The following MUC5B variants were observed in gnomAD, a reference collection of about 807,000 sequenced individuals.
MUC5B encodes the protein mucin-5B.
Under a neutral mutation model 376.9 loss-of-function variants are expected in MUC5B, and 116 were observed. That is an observed-to-expected ratio of 0.31 (90% CI 0.26 to 0.36). The LOEUF (loss-of-function observed/expected upper bound fraction) is 0.36, where lower values mean the gene tolerates loss of function less well. Among genes scored for constraint, MUC5B ranks in the 10% least tolerant of loss-of-function variants. The probability of loss-of-function intolerance (pLI) is 1.00; values close to 1 mark genes in which losing one functional copy is unlikely to be tolerated. For missense variants in MUC5B, 7,165 were observed against 7,769.9 expected (o/e 0.92, Z 2.93); for synonymous variants, 3,517 against 3,390.9 (o/e 1.04, Z -1.29).
rs757852692 is a variant in MUC5B at position 1,242,706 on chromosome 11, G to C, written c.5826G>C (p.Thr1942=). The C allele has an allele frequency of 2.5e-6, 4 of 1,611,704 alleles. No individual in the cohort carries two copies. Among genetic ancestry groups the C allele is most frequent in the Non-Finnish European group, 3.4e-6 (4 of 1,179,024 alleles). ...TAPPPKVLTT[T]ATTPTVTSSK... ...CCCCTCCCAAAGTGCTGACCACCACGGCCACCACACCCACAGTCACCAGCT... is the reference window on the plus strand; with the variant it reads ...CCCCTCCCAAAGTGCTGACCACCACCGCCACCACACCCACAGTCACCAGCT... The change falls in exon 31 of 49, where the codon ACG becomes ACC. Residue 1942 remains threonine (T), a synonymous_variant. Coordinates refer to ENST00000529681, the MANE Select transcript of MUC5B (RefSeq NM_002458.3).
chr11:1,256,684 C>T lies in MUC5B; in HGVS notation c.16150C>T (p.Gln5384Ter). 6.4e-7 allele frequency: 1 copy of T among 1,567,038 alleles called. No homozygotes were observed. Among genetic ancestry groups the T allele is most frequent in the Non-Finnish European group, 8.6e-7 (1 of 1,157,666 alleles). ...ATCNSRNQSP[Q>*]LEGMAEGCFC... ...GTCATCCTGCAGGAACCAGAGCCCA[C>T]AGCTGGAGGGGATGGCGGAGGGCTG... is the stretch of plus-strand genomic sequence containing the variant. Residue 5384 changes from glutamine to a stop codon, truncating the protein, a stop_gained, in exon 39 of 49, where the codon CAG becomes TAG. Transcript: ENST00000529681. LOFTEE classifies it high-confidence loss of function.
In MUC5B at chr11:1,236,414, C is replaced by A; in HGVS notation, c.2909C>A (p.Thr970Asn). ...ESYELILQEG[T>N]FKAVARGPGG... ...TACGAGCTGATCCTCCAAGAGGGGA[C>A]CTTTAAGGCGGTGGCGAGAGGGCCG... Residue 970 changes from threonine to asparagine, a missense_variant, in exon 24 of 49, where the codon ACC becomes AAC. By Grantham distance (65) the Thr-to-Asn change is moderately conservative (BLOSUM62 0). Around this residue, in one of 31 missense-constraint regions of MUC5B, gnomAD observed 530 missense variants for 604.0 expected, o/e 0.88. Transcript: ENST00000529681. The A allele has an allele frequency of 6.2e-7, 1 of 1,612,256 alleles. No individual in the cohort carries two copies. The highest frequency in any genetic ancestry group is 8.5e-7 in the Non-Finnish European group (1 of 1,179,596).
In MUC5B at chr11:1,250,842, C is replaced by A; in HGVS notation, c.13962C>A (p.Thr4654=). The change falls in exon 31 of 49, where the codon ACC becomes ACA. Residue 4654 remains threonine, a synonymous_variant. Coordinates refer to ENST00000529681, the MANE Select transcript of MUC5B (RefSeq NM_002458.3). ...GTTHTARVLT[T]TTTTVATGSM... ...CCCACACCGCCAGAGTGCTGACCAC[C>A]ACCACCACAACTGTGGCCACTGGTT... The A allele has an allele frequency of 1.2e-6, 2 of 1,611,344 alleles. No homozygotes were observed. Among genetic ancestry groups the A allele is most frequent in the East Asian group, 2.2e-5 (1 of 44,738 alleles).
chr11:1,223,542 C>T, intron 1 of MUC5B: 1 of 406,750 alleles, frequency 2.5e-6, no homozygotes, highest in East Asian at 5.6e-5. Context: ...TCTGGAGCCC[C>T]ATGAGGCCCA....
At chr11:1,235,064 C>T (rs1346558869) in intron 21 of MUC5B, 21 bp from the exon 22 acceptor site, 2 of 1,601,532 alleles carry the variant, frequency 1.2e-6, no homozygotes, top group Admixed American at 3.4e-5. Context: ...TGTGAGCAGG[C>T]ACCATTGTGG....
intron 36 of MUC5B, 51 bp downstream of exon 36, chr11:1,255,317 G>C: frequency 6.7e-7 from 1 of 1,496,456 alleles, no homozygotes; most frequent in Non-Finnish European, 9.0e-7. Flanking sequence ...CCGCCCGCCC[G>C]CATGCACGCA....
intron 1 of MUC5B, among the ~76,000 whole-genome samples, chr11:1,225,354 A>G (rs1204638813): frequency 6.6e-6 from 1 of 152,196 alleles, no homozygotes; most frequent in African/African-American, 2.4e-5. Flanking sequence ...AGGAGGCACC[A>G]TCCCCGCCTG....
intron 1 of MUC5B, among the ~76,000 whole-genome samples, chr11:1,224,727 C>T (rs1590166344): frequency 6.6e-6 from 1 of 152,236 alleles, no homozygotes; most frequent in East Asian, 1.9e-4. Context: ...GGCAGTCAAC[C>T]TGGATCTCTG....
rs369464244 is a variant in MUC5B, at chr11:1,246,206, T to C, written c.9326T>C (p.Leu3109Pro). 3.7e-6 allele frequency: 6 copies of C among 1,611,234 alleles called. No homozygotes were observed. The African/African-American group carries it at 6.8e-5, about 18-fold the overall frequency. Residue 3109 changes from leucine to proline, a missense_variant, in exon 31 of 49, where the codon CTG becomes CCG. Leu to Pro is a moderately conservative substitution (Grantham distance 98, BLOSUM62 -3). Transcript: ENST00000529681. ...GAGACCACCCACACCTCCACAGTGC[T>C]GACCACGAAGGCCACCACGACAAGG... ...TPETTHTSTV[L>P]TTKATTTRAT...
Position 1,242,953 on chromosome 11 carries a change from G to A in MUC5B, c.6073G>A (p.Ala2025Thr), listed in dbSNP as rs34739266. ...TGCCCACACCTCCACAGTGCTTACCGCCACGGCCACCACAACTGGGGCCAC... is the reference window on the plus strand; with the variant it reads ...TGCCCACACCTCCACAGTGCTTACCACCACGGCCACCACAACTGGGGCCAC... Reference protein sequence around the residue: ...ETAHTSTVLTATATTTGATGS... With the variant: ...ETAHTSTVLTTTATTTGATGS... The change falls in exon 31 of 49, where the codon GCC becomes ACC. Residue 2025 changes from alanine (A) to threonine (T), a missense_variant. By Grantham distance (58) the Ala-to-Thr change is moderately conservative. Transcript: ENST00000529681. 223,647 of 1,611,204 alleles carry A rather than the reference G, an allele frequency of 0.14. 16,603 individuals carry two copies. The highest frequency in any genetic ancestry group is 0.16 in the Middle Eastern group (978 of 6,056).
At chr11:1,223,330 C>T (rs1456463008) in intron 1 of MUC5B, 137 bp downstream of exon 1, 1 of 691,538 alleles carries the variant, frequency 1.4e-6, no homozygotes, top group Non-Finnish European at 2.6e-6. Context: ...TGGATGGGAC[C>T]CTACCCGTCC....
Position 1,250,396 on chromosome 11 carries a change from G to T in MUC5B, c.13516G>T (p.Ala4506Ser), listed in dbSNP as rs1354023580. 1 of 1,590,592 alleles carries T rather than the reference G, an allele frequency of 6.3e-7. No individual in the cohort carries two copies. Among genetic ancestry groups the T allele is most frequent in the East Asian group, 2.2e-5 (1 of 44,684 alleles). The change falls in exon 31 of 49, where the codon GCC becomes TCC. Residue 4506 changes from alanine to serine, a missense_variant. Physicochemically the swap from Ala to Ser is moderately conservative, Grantham distance 99 (BLOSUM62 1). Around this residue, in one of 31 missense-constraint regions of MUC5B, gnomAD observed 431 missense variants for 390.4 expected, o/e 1.10. Transcript: ENST00000529681. ...CTCCTCCAGTCCAGGGACTGCAACT[G>T]CCCTTCCAGCACTGAGAAGCACAGC... is the stretch of plus-strand genomic sequence containing the variant. ...TPSSSPGTAT[A>S]LPALRSTATT...
chr11:1,257,597 GC>G lies in MUC5B; in HGVS notation c.16338del (p.Cys5446Ter). 1 of 1,605,592 alleles carries G rather than the reference GC, an allele frequency of 6.2e-7. No homozygotes were observed. The highest frequency in any genetic ancestry group is 8.5e-7 in the Non-Finnish European group (1 of 1,179,634). Reference protein sequence around the residue: ...VCDEGSVSVQCKPLPCDAQGQ... With the variant: ...VCDEGSVSVQXKPLPCDAQGQ... ...GACGAGGGTTCAGTGTCGGTGCAGT[GC>G]AAGCCCCTGCCCTGTGACGCCCAGG... On this transcript the variant is annotated frameshift_variant, in exon 41 of 49. Transcript: ENST00000529681. LOFTEE classifies it high-confidence loss of function. This position sits in a 1 kb window ranked among gnomAD's most constrained non-coding sequence, Gnocchi z 8.9.
rs750592958 is a variant in MUC5B at position 1,250,245 on chromosome 11, T to A, written c.13365T>A (p.Thr4455=). Residue 4455 remains threonine, a synonymous_variant, in exon 31 of 49, where the codon ACT becomes ACA. Coordinates refer to ENST00000529681, the MANE Select transcript of MUC5B (RefSeq NM_002458.3). Reference sequence around the variant, plus strand: ...CCTGGATCCTCACAGAGCCGAGCACTACAGCCACCGTGACGGTGCCCACCG... The same window carrying A: ...CCTGGATCCTCACAGAGCCGAGCACAACAGCCACCGTGACGGTGCCCACCG... ...GTTWILTEPS[T]TATVTVPTGS... 3 of 1,607,918 alleles carry A rather than the reference T, an allele frequency of 1.9e-6. No individual in the cohort carries two copies. The highest frequency in any genetic ancestry group is 1.7e-5 in the Admixed American group (1 of 59,674).
intron 39 of MUC5B, 80 bp downstream of exon 39, chr11:1,256,851 C>G (rs1862851854): frequency 3.6e-6 from 4 of 1,111,898 alleles, no homozygotes; most frequent in Admixed American, 2.8e-5. Context: ...CGCCCAGGAC[C>G]ATGATGTGCT....
intron 3 of MUC5B, 35 bp from the exon 4 acceptor site, chr11:1,226,580 G>C: frequency 6.3e-7 from 1 of 1,585,720 alleles, no homozygotes; most frequent in Non-Finnish European, 8.6e-7. Flanking sequence ...TGGGGGGCTG[G>C]CATGGGGATG....
At position 1,258,424 on chromosome 11, in the gene MUC5B, G is replaced by A. The variant is rs1862904163; in HGVS notation, c.16593+57G>A. 8 of 1,587,578 alleles carry A rather than the reference G, an allele frequency of 5.0e-6. No individual in the cohort carries two copies. The highest frequency in any genetic ancestry group is 6.9e-6 in the Non-Finnish European group (8 of 1,165,046). ...TGGGGCCTGAACATGTGTGTGGGAT[G>A]CCCCGGGGCTCTCTGAGCCCCACTC... On this transcript the variant is annotated intron_variant, in intron 43 of 48. Transcript: ENST00000529681. The surrounding 1 kb of genome is among the most constrained non-coding windows in gnomAD (Gnocchi z 5.5).
At chr11:1,259,648 C>G in intron 44 of MUC5B, 108 bp from the exon 45 acceptor site, 2 of 1,136,962 alleles carry the variant, frequency 1.8e-6, no homozygotes, top group South Asian at 1.3e-5. Context: ...CAGGCAGGGA[C>G]AGGGCTAAGG....
Position 1,242,890 on chromosome 11 carries a change from A to C in MUC5B, c.6010A>C (p.Thr2004Pro). The C allele has an allele frequency of 6.2e-7, 1 of 1,613,344 alleles. No homozygotes were observed. Among genetic ancestry groups the C allele is most frequent in the Non-Finnish European group, 8.5e-7 (1 of 1,179,686 alleles). Residue 2004 changes from threonine (T) to proline (P), a missense_variant, in exon 31 of 49, where the codon ACC (threonine) becomes CCC (proline). Physicochemically the swap from Thr to Pro is conservative, Grantham distance 38. Transcript: ENST00000529681. ...ATCACAGACCACCACACCCACGGCC[A>C]CCATGTCCACAGCCACACCCTCCTC... is the stretch of plus-strand genomic sequence containing the variant. The part of the protein sequence containing the change: ...RLSQTTTPTA[T>P]MSTATPSSTP...
Sources: allele counts gnomAD v4.1 joint callset (sites outside exome capture counted in the v4.1 genomes callset), GRCh38; gene constraint gnomAD v4.1.1; regional missense constraint gnomAD v4.1.1; non-coding constraint Gnocchi (gnomAD v3.1); transcripts MANE v1.5; gene names NCBI Gene and HGNC (gene_info 2026-07-23, HGNC 2026-07-21).